FUT8: variants seen among roughly 807,000 people sequenced by gnomAD.
FUT8 encodes the protein fucosyltransferase 8.
FUT8 carries 29 observed loss-of-function variants against 71.3 expected under a neutral mutation model. The observed-to-expected ratio is 0.41, with a 90% CI of 0.30 to 0.55. The LOEUF (loss-of-function observed/expected upper bound fraction) is 0.55, where lower values mean the gene tolerates loss of function less well. Among genes scored for constraint, FUT8 ranks in the 20% least tolerant of loss-of-function variants. The probability of loss-of-function intolerance (pLI) is 0.34; values close to 1 mark genes in which losing one functional copy is unlikely to be tolerated. For synonymous variants in FUT8, 254 were observed against 239.3 expected (o/e 1.06, Z -0.57); for missense variants, 544 against 702.1 (o/e 0.77, Z 2.55).
At chr14:65,522,748 G>T (rs1319916853) in intron 2 of FUT8, among the ~76,000 whole-genome samples, 1 of 137,268 alleles carries the variant, frequency 7.3e-6, no homozygotes, top group Non-Finnish European at 1.5e-5. Context: ...ACAGGCCCCG[G>T]TGTGTGATGT....
intron 10 of FUT8, among the ~76,000 whole-genome samples, chr14:65,736,421 G>C (rs900767205): frequency 3.3e-5 from 5 of 151,340 alleles, no homozygotes; most frequent in Non-Finnish European, 5.9e-5. Context: ...GCCTCCATTA[G>C]CTCTGCTTGT....
At chr14:65,622,913 T>TTTTG (rs1349483516) in intron 5 of FUT8, among the ~76,000 whole-genome samples, 18 of 149,358 alleles carry the variant, frequency 1.2e-4, no homozygotes, top group African/African-American at 4.4e-4. Context: ...CTTCTCTGTT[T>TTTTG]TTTTTTTTTT....
intron 2 of FUT8, among the ~76,000 whole-genome samples, chr14:65,521,168 T>G (rs1422334932): frequency 6.6e-6 from 1 of 152,092 alleles, no homozygotes; most frequent in Non-Finnish European, 1.5e-5. Context: ...AGTATGAATC[T>G]TATATAGTGA....
chr14:65,519,609 T>A (rs1251481081), intron 2 of FUT8, among the ~76,000 whole-genome samples: 2 of 152,188 alleles, frequency 1.3e-5, no homozygotes, highest in African/African-American at 2.4e-5. Flanking sequence ...TAAATTTTTT[T>A]AAACTTAATA....
At chr14:65,654,391 C>G (rs1891559732) in intron 6 of FUT8, among the ~76,000 whole-genome samples, 1 of 152,092 alleles carries the variant, frequency 6.6e-6, no homozygotes, top group African/African-American at 2.4e-5. Flanking sequence ...GAGTTGGAGA[C>G]CAGCCTGACC....
At chr14:65,658,553 TGATATAATCCACATAATA>T (rs2140343612) in intron 6 of FUT8, among the ~76,000 whole-genome samples, 1 of 152,256 alleles carries the variant, frequency 6.6e-6, no homozygotes, top group African/African-American at 2.4e-5. Flanking sequence ...AAATAAACTG[TGATATAATCCACATAATA>T]GAATACTACC....
At chr14:65,506,775 T>TA (rs1406072165) in intron 2 of FUT8, among the ~76,000 whole-genome samples, 17 of 152,320 alleles carry the variant, frequency 1.1e-4, no homozygotes, top group African/African-American at 3.8e-4. Context: ...TCCTTTGTGT[T>TA]ACAGACAATC....
chr14:65,501,426 G>C (rs1455257792), intron 2 of FUT8, among the ~76,000 whole-genome samples: 2 of 152,220 alleles, frequency 1.3e-5, no homozygotes, highest in African/African-American at 4.8e-5. Flanking sequence ...ACCTCTGGAG[G>C]GGGTACTTCC....
intron 3 of FUT8, among the ~76,000 whole-genome samples, chr14:65,583,991 T>C (rs1887231460): frequency 6.6e-6 from 1 of 152,212 alleles, no homozygotes; most frequent in African/African-American, 2.4e-5. Flanking sequence ...ACCATTCTCC[T>C]GCCTCAGCTT....
chr14:65,531,314 C>G (rs1486834583), intron 2 of FUT8, among the ~76,000 whole-genome samples: 1 of 151,920 alleles, frequency 6.6e-6, no homozygotes, highest in East Asian at 1.9e-4. Flanking sequence ...AGTTCCTGTA[C>G]TAGGTGTGAA....
chr14:65,590,776 A>G (rs1239377145), intron 3 of FUT8, among the ~76,000 whole-genome samples: 1 of 152,206 alleles, frequency 6.6e-6, no homozygotes, highest in Non-Finnish European at 1.5e-5. Context: ...AATAGGTTTC[A>G]TACTTCAAGG....
intron 2 of FUT8, among the ~76,000 whole-genome samples, chr14:65,544,027 G>A (rs1279182707): frequency 6.6e-6 from 1 of 152,132 alleles, no homozygotes; most frequent in Non-Finnish European, 1.5e-5. Context: ...GTCACCTTGA[G>A]TTGCAATTTC....
Position 65,501,995 on chromosome 14 carries a change from C to G in FUT8, c.-228+46277C>G, listed in dbSNP as rs1286382572. Among the ~76,000 whole-genome samples, 6 of 151,606 alleles carry G rather than the reference C, an allele frequency of 4.0e-5. No homozygotes were observed. In the East Asian group the frequency reaches 1.2e-3, roughly 29 times the overall value. ...GTGTAATCTTGGCTCTCTGTAGTCC[C>G]GAGCTCCCAAACTCAAGCAGTCCTC... is the stretch of plus-strand genomic sequence containing the variant. On this transcript the variant is annotated intron_variant, in intron 2 of 10. Coordinates refer to ENST00000673929, the MANE Select transcript of FUT8 (RefSeq NM_001371533.1).
At chr14:65,455,302 T>G (rs886136237) in intron 1 of FUT8, among the ~76,000 whole-genome samples, 1 of 152,222 alleles carries the variant, frequency 6.6e-6, no homozygotes, top group African/African-American at 2.4e-5. Context: ...GAATGCCTTT[T>G]ATGTTAAAAG....
Position 65,742,547 on chromosome 14 carries a change from G to A in FUT8, c.*137G>A. 1 of 715,878 alleles carries A rather than the reference G, an allele frequency of 1.4e-6. No homozygotes were observed. The highest frequency in any genetic ancestry group is 1.8e-5 in the African/African-American group (1 of 55,870). The allele number at this position is 715,878 out of a possible 1,614,324, so 44.3% of individuals were successfully genotyped here. On this transcript the variant is annotated 3_prime_UTR_variant, in exon 11 of 11. Coordinates refer to ENST00000673929, the MANE Select transcript of FUT8 (RefSeq NM_001371533.1). ...TGAGTAGATACTCTCAGCACCAAGAGCAGCTGGGAACTGACATAGGCTTCA... is the reference window on the plus strand; with the variant it reads ...TGAGTAGATACTCTCAGCACCAAGAACAGCTGGGAACTGACATAGGCTTCA...
the FUT8 span, among the ~76,000 whole-genome samples, chr14:65,376,945 C>T: frequency 2.6e-5 from 4 of 152,082 alleles, no homozygotes; most frequent in African/African-American, 7.2e-5. Context: ...TCAGGTAGCC[C>T]GGAAGAGCCT....
chr14:65,736,641 T>C (rs571624372), intron 10 of FUT8, among the ~76,000 whole-genome samples: 2 of 152,166 alleles, frequency 1.3e-5, no homozygotes, highest in South Asian at 2.1e-4. Context: ...TGTGTGTGTG[T>C]TGACTTTAGT....
chr14:65,703,575 C>CA (rs1265923430), intron 7 of FUT8, among the ~76,000 whole-genome samples: 6 of 152,086 alleles, frequency 3.9e-5, no homozygotes, highest in African/African-American at 1.4e-4. Context: ...TCATCAGTAG[C>CA]AGTGACAGTA....
chr14:65,691,747 G>C (rs530042722), intron 7 of FUT8, among the ~76,000 whole-genome samples: 15 of 151,334 alleles, frequency 9.9e-5, no homozygotes, highest in Non-Finnish European at 2.1e-4. Flanking sequence ...AGGACCCTGC[G>C]GCCTTCTGCA....
Sources: allele counts gnomAD v4.1 joint callset (sites outside exome capture counted in the v4.1 genomes callset), GRCh38; gene constraint gnomAD v4.1.1; transcripts MANE v1.5; gene names NCBI Gene and HGNC (gene_info 2026-07-23, HGNC 2026-07-21).